The following C9orf85 variants were observed in gnomAD, a reference collection of about 807,000 sequenced individuals.
C9orf85 encodes the protein chromosome 9 open reading frame 85.
In C9orf85, 16 loss-of-function variants were observed where a neutral mutation model predicts 14.9. The ratio of observed to expected loss-of-function variants is 1.08; its 90% confidence interval spans 0.73 to 1.63. The LOEUF is 1.63. C9orf85 is among the 40% of genes most tolerant of loss of function. C9orf85 has a pLI of 0.00. For synonymous variants in C9orf85, 45 were observed against 56.8 expected (o/e 0.79, Z 0.93); for missense variants, 172 against 186.1 (o/e 0.92, Z 0.44).
At chr9:71,955,809 G>A (rs993610488) in intron 2 of C9orf85, among the ~76,000 whole-genome samples, 1 of 152,166 alleles carries the variant, frequency 6.6e-6, no homozygotes, top group African/African-American at 2.4e-5. Flanking sequence ...CTCACTAGGA[G>A]GTACCTGAGG....
chr9:71,946,531 A>T (rs1013139640), intron 1 of C9orf85, among the ~76,000 whole-genome samples: 7 of 152,236 alleles, frequency 4.6e-5, no homozygotes, highest in African/African-American at 1.7e-4. Context: ...CCAGTGGCTC[A>T]TGCCTGTAAT....
chr9:71,928,778 G>A (rs919328469), intron 1 of C9orf85, among the ~76,000 whole-genome samples: 1 of 152,096 alleles, frequency 6.6e-6, no homozygotes, highest in Non-Finnish European at 1.5e-5. Context: ...TTCAGATACA[G>A]CAAAAGTATG....
intron 3 of C9orf85, 28 bp downstream of exon 3, chr9:71,971,646 T>C (rs1239193893): frequency 7.1e-7 from 1 of 1,402,284 alleles, no homozygotes; most frequent in East Asian, 2.3e-5. Flanking sequence ...TGTTTGAATT[T>C]TACTCTTAGT....
intron 1 of C9orf85, among the ~76,000 whole-genome samples, chr9:71,944,366 G>T (rs945685454): frequency 1.3e-5 from 2 of 151,912 alleles, no homozygotes; most frequent in African/African-American, 2.4e-5. Context: ...ATAAGTAAGG[G>T]TTTCTTCTTT....
chr9:71,916,307 T>G (rs564277479), intron 1 of C9orf85, among the ~76,000 whole-genome samples: 3 of 152,126 alleles, frequency 2.0e-5, no homozygotes, highest in Non-Finnish European at 4.4e-5. Context: ...GTCAGTATTG[T>G]TTTTAATAGC....
At chr9:71,971,471 CATAA>C (rs1195212416) in intron 2 of C9orf85, 30 bp from the exon 3 acceptor site, 14 of 1,257,142 alleles carry the variant, frequency 1.1e-5, no homozygotes, top group African/African-American at 1.1e-4. Context: ...CTGAAATAAA[CATAA>C]ATAAGTTAAC....
In C9orf85 at chr9:71,947,054, G is replaced by A; in HGVS notation, c.151G>A (p.Val51Ile). 6.2e-7 allele frequency: 1 copy of A among 1,613,526 alleles called. No individual in the cohort carries two copies. The highest frequency in any genetic ancestry group is 8.5e-7 in the Non-Finnish European group (1 of 1,179,724). The change falls in exon 2 of 4, where the codon GTT becomes ATT. Residue 51 changes from valine to isoleucine, a missense_variant. Physicochemically the swap from Val to Ile is conservative, Grantham distance 29. Coordinates refer to ENST00000334731, the MANE Select transcript of C9orf85 (RefSeq NM_182505.5). ...HDGVCQRCKE[V>I]LEWRVKYSKY... ...TGGAGTATGTCAGCGCTGTAAAGAA[G>A]TTCTTGAGTGGCGTGTAAAATACAG...
At chr9:71,928,609 G>T (rs1457800694) in intron 1 of C9orf85, among the ~76,000 whole-genome samples, 5 of 152,134 alleles carry the variant, frequency 3.3e-5, no homozygotes, top group African/African-American at 9.7e-5. Flanking sequence ...GCCACACCAG[G>T]AGTAGACTCT....
rs1339069726 is a variant in C9orf85, at chr9:71,969,575, TTC to T, written c.210-1928_210-1927del. On this transcript the variant is annotated intron_variant, in intron 2 of 3. Coordinates refer to ENST00000334731, the MANE Select transcript of C9orf85 (RefSeq NM_182505.5). ...GCGTTTGGCTGCATTGATTTTATTT[TTC>T]TGTTTTCAGTATCATTGATTCTGTT... is the stretch of plus-strand genomic sequence containing the variant. 2.6e-5 allele frequency among the ~76,000 whole-genome samples: 4 copies of T among 152,214 alleles called. No individual in the cohort carries two copies. The East Asian group carries it at 7.7e-4, about 29-fold the overall frequency.
At chr9:71,912,012 G>C (rs1351184274) in intron 1 of C9orf85, 176 bp downstream of exon 1, 1 of 676,438 alleles carries the variant, frequency 1.5e-6, no homozygotes, top group Non-Finnish European at 2.7e-6. Context: ...CTTTGACCTG[G>C]ACATGTTGTC....
chr9:71,952,263 A>AT (rs748329172), intron 2 of C9orf85, among the ~76,000 whole-genome samples: 1 of 152,164 alleles, frequency 6.6e-6, no homozygotes, highest in Non-Finnish European at 1.5e-5. Flanking sequence ...TGCTTCATTA[A>AT]TTTTTACAAA....
chr9:71,941,206 A>AAATG (rs887485610), intron 1 of C9orf85, among the ~76,000 whole-genome samples: 1 of 152,242 alleles, frequency 6.6e-6, no homozygotes, highest in Non-Finnish European at 1.5e-5. Context: ...TCACTTAGTA[A>AAATG]AATGAATGAT....
chr9:71,948,825 C>T lies in C9orf85; in HGVS notation c.209+1713C>T, dbSNP rs752623954. Among the ~76,000 whole-genome samples, 173 of 149,380 alleles carry T rather than the reference C, an allele frequency of 1.2e-3. 2 individuals are homozygous for T. Among genetic ancestry groups the T allele is most frequent in the Middle Eastern group, 3.5e-3 (1 of 284 alleles). ...AGGCGTGAGCCACGCCCCCCCCCCC[C>T]CCTTTAAATAGTTTTACCAGCTTCT... On this transcript the variant is annotated intron_variant, in intron 2 of 3. Coordinates refer to ENST00000334731, the MANE Select transcript of C9orf85 (RefSeq NM_182505.5).
At chr9:71,948,530 A>T (rs369567385) in intron 2 of C9orf85, among the ~76,000 whole-genome samples, 66 of 151,372 alleles carry the variant, frequency 4.4e-4, no homozygotes, top group South Asian at 4.2e-3. Context: ...TTATTTATTT[A>T]ATTTATTTTG....
intron 1 of C9orf85, among the ~76,000 whole-genome samples, chr9:71,915,261 A>G (rs564865852): frequency 6.6e-6 from 1 of 151,206 alleles, no homozygotes; most frequent in African/African-American, 2.4e-5. Flanking sequence ...GATCACCACA[A>G]CCTCCACCTC....
At chr9:71,964,669 C>T (rs944065955) in intron 2 of C9orf85, among the ~76,000 whole-genome samples, 1 of 152,178 alleles carries the variant, frequency 6.6e-6, no homozygotes, top group African/African-American at 2.4e-5. Context: ...CTGTAACACT[C>T]ACCGCGAGGG....
chr9:71,950,435 T>C (rs1163060490), intron 2 of C9orf85, among the ~76,000 whole-genome samples: 1 of 152,206 alleles, frequency 6.6e-6, no homozygotes, highest in East Asian at 1.9e-4. Context: ...TGGTACGGTC[T>C]CAGCTCACTG....
intron 1 of C9orf85, 49 bp downstream of exon 1, chr9:71,911,885 C>T: frequency 2.0e-6 from 3 of 1,518,584 alleles, no homozygotes; most frequent in African/African-American, 2.7e-5. Context: ...AGGAATGGCT[C>T]ACTGGAGAGG....
chr9:71,983,100 A>T (rs1221807758), exon 4 of C9orf85: 1 of 149,474 alleles, frequency 6.7e-6, no homozygotes, highest in African/African-American at 2.5e-5. Context: ...GGTTCAAGTG[A>T]TTCTCCTGCC....
Sources: gnomAD v4.1 joint callset for allele counts (sites outside exome capture counted in the v4.1 genomes callset) on GRCh38, gnomAD v4.1.1 for gene constraint, MANE v1.5 for transcripts, NCBI Gene and HGNC (gene_info 2026-07-23, HGNC 2026-07-21) for gene names.